CCNY: variants seen among roughly 807,000 people sequenced by gnomAD.
CCNY encodes the protein cyclin-Y.
Under a neutral mutation model 42.8 loss-of-function variants are expected in CCNY, and 19 were observed. The ratio of observed to expected loss-of-function variants is 0.44; its 90% CI spans 0.31 to 0.65. CCNY has a LOEUF of 0.65. Ranked by LOEUF, CCNY falls within the 30% of genes least tolerant of loss-of-function variation. CCNY has a pLI of 0.07. For missense variants in CCNY, 370 were observed against 437.3 expected, an observed-to-expected ratio of 0.85 and a Z score of 1.37; for synonymous variants, 165 against 162.7, an observed-to-expected ratio of 1.01 and a Z score of -0.11.
intron 1 of CCNY, among the ~76,000 whole-genome samples, chr10:35,474,169 C>T (rs1839453186): frequency 6.6e-6 from 1 of 152,148 alleles, no homozygotes; most frequent in Admixed American, 6.5e-5. Flanking sequence ...TCGCTGACTG[C>T]TAGCACAGCA....
chr10:35,531,044 G>A (rs569079054), intron 7 of CCNY, among the ~76,000 whole-genome samples: 9 of 152,354 alleles, frequency 5.9e-5, no homozygotes, highest in African/African-American at 1.7e-4. Flanking sequence ...ACTCCAGCCC[G>A]AGGGGCAGAG....
intron 1 of CCNY, among the ~76,000 whole-genome samples, chr10:35,461,493 G>A (rs1045516790): frequency 6.6e-6 from 1 of 152,200 alleles, no homozygotes; most frequent in African/African-American, 2.4e-5. Flanking sequence ...TTGATTAGAT[G>A]TCGAGGGTCA....
chr10:35,545,227 C>T (rs1232671679), intron 7 of CCNY, among the ~76,000 whole-genome samples: 1 of 152,194 alleles, frequency 6.6e-6, no homozygotes, highest in Non-Finnish European at 1.5e-5. Context: ...GGATTGCCAG[C>T]TTTGCTTCAG....
chr10:35,352,478 C>T (rs2135140032), intron 1 of CCNY, among the ~76,000 whole-genome samples: 1 of 152,214 alleles, frequency 6.6e-6, no homozygotes, highest in Non-Finnish European at 1.5e-5. Flanking sequence ...GTAGGTGGTC[C>T]ACAAATATGG....
At position 35,304,546 on chromosome 10, in the gene CCNY, G is replaced by C. The variant is rs570073785; in HGVS notation, c.-9+53920G>C. Among the ~76,000 whole-genome samples, 2 of 53,606 alleles carry C rather than the reference G, an allele frequency of 3.7e-5. 1 individual carries two copies. The highest frequency in any genetic ancestry group is 2.5e-4 in the African/African-American group (2 of 8,044). 35.2% of individuals were successfully genotyped at this position (53,606 alleles called of 152,430 possible). A position where few individuals can be genotyped will look rare whatever the true frequency, so the allele number is the denominator to read the frequency against. On this transcript the variant is annotated intron_variant, in intron 3 of 11. Transcript: ENST00000374706. The stretch of plus-strand genomic sequence containing the variant: ...GGGATGGTCTCGATCTCTTGACCTC[G>C]TGATCCGCCCGCCTCGGCCTCCCAA...
At chr10:35,419,886 A>C (rs1425423844) in intron 1 of CCNY, among the ~76,000 whole-genome samples, 2 of 151,928 alleles carry the variant, frequency 1.3e-5, no homozygotes, top group South Asian at 2.1e-4. Context: ...TTTCTAGGCA[A>C]ACTTTATAAT....
intron 7 of CCNY, among the ~76,000 whole-genome samples, chr10:35,541,393 G>A (rs1409102260): frequency 6.6e-6 from 1 of 152,038 alleles, no homozygotes; most frequent in East Asian, 1.9e-4. Context: ...ACTGATACTG[G>A]TTATTATTAT....
chr10:35,446,335 A>G lies in CCNY; in HGVS notation c.155-37069A>G, dbSNP rs190318544. ...TCTCTTCAAAATACTTACATGTCAA[A>G]TGCCTAAAATATTCTCCTTGATGAA... On this transcript the variant is annotated intron_variant, in intron 1 of 9. Transcript: ENST00000374704. Among the ~76,000 whole-genome samples, 548 of 152,328 alleles carry G rather than the reference A, an allele frequency of 3.6e-3. 3 individuals are homozygous for G. Among genetic ancestry groups the G allele is most frequent in the Admixed American group, 5.2e-3 (79 of 15,302 alleles).
intron 3 of CCNY, among the ~76,000 whole-genome samples, chr10:35,306,970 C>CAGTG (rs34010425): frequency 0.41 from 61,446 of 151,630 alleles, 13,093 homozygotes; most frequent in African/African-American, 0.54. Context: ...GTCAGGGAAT[C>CAGTG]AGTAAGTTCT....
In CCNY at chr10:35,251,798, G is replaced by A. The variant is rs765552677; in HGVS notation, c.-9+1172G>A. On this transcript the variant is annotated intron_variant, in intron 3 of 11. Transcript: ENST00000374706. ...GAGATGGAGTTTCATTATGTTGCCC[G>A]GGCTGGTCTTGAACCCCTGGGTGCA... Among the ~76,000 whole-genome samples the A allele has an allele frequency of 6.0e-5, 9 of 151,030 alleles. No homozygotes were observed. The East Asian group carries it at 1.7e-3, about 29-fold the overall frequency.
At chr10:35,442,310 A>G (rs1838688526) in intron 1 of CCNY, among the ~76,000 whole-genome samples, 1 of 152,218 alleles carries the variant, frequency 6.6e-6, no homozygotes, top group Admixed American at 6.5e-5. Flanking sequence ...TAAGCTTAGA[A>G]CTTTGAAGCA....
chr10:35,361,377 C>G (rs1315485999), intron 1 of CCNY, among the ~76,000 whole-genome samples: 1 of 152,186 alleles, frequency 6.6e-6, no homozygotes, highest in African/African-American at 2.4e-5. Context: ...CAAGGTACAT[C>G]AATTCCACAA....
intron 1 of CCNY, among the ~76,000 whole-genome samples, chr10:35,352,112 C>CTG (rs1353905705): frequency 1.3e-5 from 2 of 152,192 alleles, no homozygotes; most frequent in East Asian, 3.8e-4. Context: ...CGGTGGGTCA[C>CTG]TGTGTGGGGT....
intron 3 of CCNY, among the ~76,000 whole-genome samples, chr10:35,295,046 T>A (rs776021556): frequency 1.3e-5 from 2 of 151,968 alleles, no homozygotes; most frequent in Admixed American, 1.3e-4. Flanking sequence ...TCCCAGCTAC[T>A]TGGGAGGCTG....
Position 35,260,488 on chromosome 10 carries a change from G to A in CCNY, c.-9+9862G>A, listed in dbSNP as rs563962339. The stretch of plus-strand genomic sequence containing the variant: ...GGGACCCCGATCAGGGATCTGGGAA[G>A]TTGAGAAAGCATCCAGTTGGCAAAC... On this transcript the variant is annotated intron_variant, in intron 3 of 11. Transcript: ENST00000374706. Among the ~76,000 whole-genome samples the A allele has an allele frequency of 8.9e-4, 136 of 152,342 alleles. 1 individual carries two copies. The highest frequency in any genetic ancestry group is 3.1e-3 in the African/African-American group (127 of 41,584).
At chr10:35,355,678 CAAAAAAAAAAAAAAA>C (rs60257114) in intron 1 of CCNY, among the ~76,000 whole-genome samples, 4 of 57,416 alleles carry the variant, frequency 7.0e-5, no homozygotes, top group Non-Finnish European at 1.1e-4. Context: ...ATACTGTCTC[CAAAAAAAAAAAAAAA>C]AAAAAAAAAA....
chr10:35,303,879 A>T (rs1247062726), intron 3 of CCNY, among the ~76,000 whole-genome samples: 1 of 152,090 alleles, frequency 6.6e-6, no homozygotes, highest in Non-Finnish European at 1.5e-5. Flanking sequence ...AAAAAAACCT[A>T]GTCTTTCAAA....
At chr10:35,259,055 T>A (rs2095717528) in intron 3 of CCNY, among the ~76,000 whole-genome samples, 1 of 152,052 alleles carries the variant, frequency 6.6e-6, no homozygotes. Context: ...CAATTTACCA[T>A]CTAAGTCATT....
chr10:35,565,517 C>A (rs1841551992), intron 8 of CCNY, among the ~76,000 whole-genome samples: 1 of 152,204 alleles, frequency 6.6e-6, no homozygotes, highest in Admixed American at 6.5e-5. Flanking sequence ...ACCCTCCCCC[C>A]ATAATCCCTG....
Sources: allele counts gnomAD v4.1 joint callset (sites outside exome capture counted in the v4.1 genomes callset), GRCh38; gene constraint gnomAD v4.1.1; transcripts MANE v1.5; gene names NCBI Gene and HGNC (gene_info 2026-07-23, HGNC 2026-07-21).